Variants in RALGPS2 observed in about 807,000 individuals in gnomAD.
RALGPS2 encodes the protein ras-specific guanine nucleotide-releasing factor RalGPS2.
RALGPS2 carries 43 observed loss-of-function variants against 86.8 expected under a neutral mutation model. The observed-to-expected ratio is 0.50, with a 90% confidence interval of 0.39 to 0.64. The LOEUF is 0.64. Among genes scored for constraint, RALGPS2 ranks in the 30% least tolerant of loss-of-function variants. RALGPS2 has a pLI of 0.00. For missense variants in RALGPS2, 536 were observed against 694.6 expected (o/e 0.77, Z 2.57); for synonymous variants, 243 against 231.3 (o/e 1.05, Z -0.46).
At chr1:178,764,396 T>C (rs763647637) in intron 1 of RALGPS2, among the ~76,000 whole-genome samples, 2 of 152,154 alleles carry the variant, frequency 1.3e-5, no homozygotes, top group African/African-American at 4.8e-5. Context: ...CAGCATACAA[T>C]TGGGTCTTGC....
At chr1:178,793,401 C>CTT (rs76555147) in intron 4 of RALGPS2, among the ~76,000 whole-genome samples, 43 of 109,982 alleles carry the variant, frequency 3.9e-4, no homozygotes, top group African/African-American at 1.1e-3. Flanking sequence ...CCACAGGGGT[C>CTT]TTTTTTTTTT....
At chr1:178,801,995 T>C (rs947003744) in intron 4 of RALGPS2, among the ~76,000 whole-genome samples, 1 of 152,104 alleles carries the variant, frequency 6.6e-6, no homozygotes, top group Non-Finnish European at 1.5e-5. Context: ...CATGAAACAG[T>C]GTTACATCAC....
chr1:178,755,300 A>G (rs115804901), intron 1 of RALGPS2, among the ~76,000 whole-genome samples: 5,520 of 152,122 alleles, frequency 0.036, 126 homozygotes, highest in Middle Eastern at 0.058. Context: ...GGTAGTGAGC[A>G]TGTTACCTAG....
At chr1:178,785,439 G>T (rs1012900100) in intron 3 of RALGPS2, 118 bp from the exon 4 acceptor site, 1 of 1,087,788 alleles carries the variant, frequency 9.2e-7, no homozygotes, top group Non-Finnish European at 1.2e-6. Flanking sequence ...TTTTCCATAA[G>T]CCCTTATAAA....
At chr1:178,807,284 A>G (rs570194997) in intron 4 of RALGPS2, among the ~76,000 whole-genome samples, 4 of 152,318 alleles carry the variant, frequency 2.6e-5, no homozygotes, top group Non-Finnish European at 5.9e-5. Flanking sequence ...GCAGCGAACT[A>G]TGACCCTACC....
chr1:178,772,784 G>C (rs1652868493), intron 1 of RALGPS2, among the ~76,000 whole-genome samples: 1 of 152,168 alleles, frequency 6.6e-6, no homozygotes, highest in Non-Finnish European at 1.5e-5. Context: ...TTTAACTTAA[G>C]TGAATGAAGT....
intron 1 of RALGPS2, among the ~76,000 whole-genome samples, chr1:178,763,389 T>G (rs1023280987): frequency 1.3e-5 from 2 of 152,224 alleles, no homozygotes; most frequent in African/African-American, 4.8e-5. Flanking sequence ...AGAATGTCAT[T>G]GGTAGTTTGA....
chr1:178,916,288 A>G, intron 19 of RALGPS2, 42 bp from the exon 20 acceptor site: 1 of 1,517,010 alleles, frequency 6.6e-7, no homozygotes, highest in South Asian at 1.2e-5. Flanking sequence ...CTCCTTTGAA[A>G]AACAACTTTT....
intron 1 of RALGPS2, among the ~76,000 whole-genome samples, chr1:178,748,319 C>CAA (rs756185730): frequency 1.9e-4 from 15 of 78,098 alleles, no homozygotes; most frequent in African/African-American, 2.1e-4. Flanking sequence ...GACTCCGTCT[C>CAA]AAAAAAAAAA....
At chr1:178,820,369 G>A (rs1655439812) in intron 6 of RALGPS2, among the ~76,000 whole-genome samples, 1 of 152,154 alleles carries the variant, frequency 6.6e-6, no homozygotes, top group East Asian at 1.9e-4. Flanking sequence ...CCTTTAAAGA[G>A]GCTTCACATG....
intron 8 of RALGPS2, among the ~76,000 whole-genome samples, chr1:178,862,828 G>T (rs1255351731): frequency 6.6e-6 from 1 of 152,074 alleles, no homozygotes; most frequent in African/African-American, 2.4e-5. Flanking sequence ...TAAGCAAATT[G>T]GACTTTTTCT....
intron 19 of RALGPS2, among the ~76,000 whole-genome samples, chr1:178,908,030 C>T (rs1330645331): frequency 6.6e-6 from 1 of 152,116 alleles, no homozygotes; most frequent in African/African-American, 2.4e-5. Flanking sequence ...ATAAATGATC[C>T]TGTCACCCAG....
chr1:178,853,522 A>G (rs1390738978), intron 8 of RALGPS2: 1 of 1,196,424 alleles, frequency 8.4e-7, no homozygotes, highest in Non-Finnish European at 1.1e-6. Context: ...TTTATTGCAT[A>G]GCATCTTGTT....
At position 178,917,022 on chromosome 1, in the gene RALGPS2, T is replaced by C. The variant is rs766907079; in HGVS notation, c.*663T>C. On this transcript the variant is annotated 3_prime_UTR_variant, in exon 20 of 20. Transcript: ENST00000367635. ...ATGAGGGGAGAATTTTTTTAAACAC[T>C]AAACTTCTGAAATGTAGTACTGTAA... 6.6e-6 allele frequency: 1 copy of C among 152,220 alleles called. No homozygotes were observed. The highest frequency in any genetic ancestry group is 1.5e-5 in the Non-Finnish European group (1 of 68,050). The allele number at this position is 152,220 out of a possible 1,614,324, so 9.4% of individuals were successfully genotyped here. A position where few individuals can be genotyped will look rare whatever the true frequency, so the allele number is the denominator to read the frequency against.
intron 8 of RALGPS2, among the ~76,000 whole-genome samples, chr1:178,843,475 G>A (rs1656702730): frequency 1.4e-5 from 2 of 143,608 alleles, no homozygotes; most frequent in Non-Finnish European, 1.5e-5. Context: ...GACACAGGAA[G>A]GGGAATATCA....
chr1:178,913,282 C>CAA (rs564534239), intron 19 of RALGPS2, among the ~76,000 whole-genome samples: 4 of 126,848 alleles, frequency 3.2e-5, no homozygotes, highest in Non-Finnish European at 3.4e-5. Flanking sequence ...ACTCCCATCT[C>CAA]AAAAAAAAAA....
At chr1:178,867,681 T>C (rs574368438) in intron 8 of RALGPS2, among the ~76,000 whole-genome samples, 1 of 152,168 alleles carries the variant, frequency 6.6e-6, no homozygotes, top group Middle Eastern at 3.4e-3. Flanking sequence ...TATTTATGGA[T>C]AATTTTTGGT....
In RALGPS2 at chr1:178,885,177, C is replaced by G. The variant is rs747611941; in HGVS notation, c.1006C>G (p.His336Asp). The change falls in exon 12 of 20, where the codon CAT becomes GAT. Residue 336 changes from histidine (H) to aspartate (D), a missense_variant. Around this residue, in one of 3 missense-constraint regions of RALGPS2, gnomAD observed 309 missense variants for 363.0 expected, o/e 0.85. Coordinates refer to ENST00000367635, the MANE Select transcript of RALGPS2 (RefSeq NM_152663.5). ...TPPSPRNLIP[H>D]GHRKCHSLGY... ...GCCATCCCCTCGGAATCTGATTCCA[C>G]ATGGACATAGGAAGTGCCATAGTTT... The G allele has an allele frequency of 1.9e-6, 3 of 1,613,770 alleles. No individual in the cohort carries two copies. Among genetic ancestry groups the G allele is most frequent in the Non-Finnish European group, 2.5e-6 (3 of 1,179,896 alleles).
intron 1 of RALGPS2, among the ~76,000 whole-genome samples, chr1:178,771,781 A>ATC (rs1350217455): frequency 3.2e-4 from 49 of 152,200 alleles, no homozygotes; most frequent in Admixed American, 7.9e-4. Flanking sequence ...GATTACCAAA[A>ATC]AGGACTATAC....
Sources: allele counts gnomAD v4.1 joint callset (sites outside exome capture counted in the v4.1 genomes callset), GRCh38; gene constraint gnomAD v4.1.1; regional missense constraint gnomAD v4.1.1; transcripts MANE v1.5; gene names NCBI Gene and HGNC (gene_info 2026-07-23, HGNC 2026-07-21).